ST7: variants seen among roughly 807,000 people sequenced by gnomAD.
ST7 encodes suppressor of tumorigenicity 7 protein.
ST7 carries 28 observed loss-of-function variants against 78.7 expected under a neutral mutation model. The observed-to-expected ratio is 0.36, with a 90% confidence interval of 0.26 to 0.49. The LOEUF (loss-of-function observed/expected upper bound fraction) is 0.49. Ranked by LOEUF, ST7 falls within the 20% of genes least tolerant of loss-of-function variation. ST7 has a pLI of 0.99. For missense variants in ST7, 418 were observed against 696.0 expected (o/e 0.60, Z 4.49); for synonymous variants, 247 against 249.6 (o/e 0.99, Z 0.10).
intron 1 of ST7, among the ~76,000 whole-genome samples, chr7:116,975,066 G>A (rs1372512597): frequency 6.6e-6 from 1 of 152,080 alleles, no homozygotes; most frequent in African/African-American, 2.4e-5. Context: ...AGAAATACCC[G>A]AGACTGGGTA....
At chr7:116,956,973 C>G (rs1792536801) in intron 1 of ST7, 2 of 204,234 alleles carry the variant, frequency 9.8e-6, no homozygotes, top group African/African-American at 4.7e-5. Context: ...AACAAAGGGA[C>G]AAAGTTGTGA....
At chr7:117,184,737 A>G (rs1339335669) in intron 10 of ST7, among the ~76,000 whole-genome samples, 1 of 152,212 alleles carries the variant, frequency 6.6e-6, no homozygotes, top group Admixed American at 6.5e-5. Flanking sequence ...ATGAAATTGG[A>G]TAGACATGCA....
chr7:117,095,873 GC>G (rs1264401604), intron 1 of ST7, among the ~76,000 whole-genome samples: 16 of 151,626 alleles, frequency 1.1e-4, no homozygotes, highest in Non-Finnish European at 2.2e-4. Flanking sequence ...TTTGAGAGAG[GC>G]CTGGCCAACA....
intron 2 of ST7, among the ~76,000 whole-genome samples, chr7:117,109,694 A>G (rs1254315443): frequency 6.6e-6 from 1 of 152,228 alleles, no homozygotes; most frequent in Non-Finnish European, 1.5e-5. Context: ...TATTCTGTGA[A>G]GCCAGTATCA....
chr7:116,991,672 G>T (rs1459328117), intron 1 of ST7, among the ~76,000 whole-genome samples: 1 of 152,070 alleles, frequency 6.6e-6, no homozygotes, highest in Non-Finnish European at 1.5e-5. Flanking sequence ...TTCACCTCTG[G>T]CCTCTCCAAA....
intron 1 of ST7, among the ~76,000 whole-genome samples, chr7:116,999,808 C>CTTTTTTTTTTTTTT: frequency 9.6e-6 from 1 of 104,440 alleles, no homozygotes; most frequent in Non-Finnish European, 1.8e-5. Context: ...AATTTTCTTT[C>CTTTTTTTTTTTTTT]TTTTTTTTTT....
At chr7:117,152,288 A>G (rs1427320363) in intron 9 of ST7, among the ~76,000 whole-genome samples, 2 of 142,778 alleles carry the variant, frequency 1.4e-5, no homozygotes, top group Non-Finnish European at 3.0e-5. Flanking sequence ...CAGTCATTTT[A>G]TTTCCATTAA....
intron 1 of ST7, among the ~76,000 whole-genome samples, chr7:116,960,265 C>T (rs781706790): frequency 3.9e-4 from 59 of 152,172 alleles, no homozygotes; most frequent in Non-Finnish European, 6.8e-4. Flanking sequence ...TCTCAGCTGA[C>T]TGCAACCTCT....
At chr7:116,978,153 A>G (rs900374295) in intron 1 of ST7, among the ~76,000 whole-genome samples, 2 of 152,172 alleles carry the variant, frequency 1.3e-5, no homozygotes, top group Non-Finnish European at 2.9e-5. Context: ...TTTTGGTAAA[A>G]CATGGAGACT....
intron 9 of ST7, among the ~76,000 whole-genome samples, chr7:117,170,477 T>C (rs1807905269): frequency 6.6e-6 from 1 of 152,112 alleles, no homozygotes; most frequent in Admixed American, 6.5e-5. Flanking sequence ...GGTCAGGAGA[T>C]CAAGACCATC....
chr7:117,157,920 T>C (rs1806832232), intron 9 of ST7, among the ~76,000 whole-genome samples: 1 of 152,152 alleles, frequency 6.6e-6, no homozygotes, highest in South Asian at 2.1e-4. Flanking sequence ...GAGAAAGAAA[T>C]GTTTTACTCA....
In ST7 at chr7:117,132,160, T is replaced by G. The variant is rs372642860; in HGVS notation, c.641+200T>G. ...GAGGTGGTTTTAGTCATTTTATGAA[T>G]TCAATGGCTTTGCTGTGATCCTAAA... is the stretch of plus-strand genomic sequence containing the variant. On this transcript the variant is annotated intron_variant, in intron 6 of 15. Coordinates refer to ENST00000323984, the MANE Select transcript of ST7 (RefSeq NM_001369598.1). Among the ~76,000 whole-genome samples the G allele has an allele frequency of 5.8e-4, 88 of 151,916 alleles. 1 individual carries two copies. In the East Asian group the frequency reaches 9.3e-3, roughly 16 times the overall value.
chr7:117,015,256 A>G lies in ST7; in HGVS notation c.151+61565A>G, dbSNP rs893730157. Among the ~76,000 whole-genome samples, 4 of 152,262 alleles carry G rather than the reference A, an allele frequency of 2.6e-5. No homozygotes were observed. The East Asian group carries it at 5.8e-4, about 22-fold the overall frequency. ...TTCCATTTCAGTTGGATCATACTTA[A>G]ATGGACTTAAACTCCAACCCATAGT... On this transcript the variant is annotated intron_variant, in intron 1 of 15. Coordinates refer to ENST00000323984, the MANE Select transcript of ST7 (RefSeq NM_001369598.1).
intron 1 of ST7, among the ~76,000 whole-genome samples, chr7:117,080,435 T>A (rs537878186): frequency 1.4e-4 from 22 of 152,306 alleles, no homozygotes; most frequent in South Asian, 8.3e-4. Flanking sequence ...TTCTATCATA[T>A]AGATATTTAA....
chr7:116,975,336 G>A (rs1231000398), intron 1 of ST7, among the ~76,000 whole-genome samples: 1 of 152,116 alleles, frequency 6.6e-6, no homozygotes, highest in Non-Finnish European at 1.5e-5. Context: ...GAGGATTATG[G>A]GAGCTACAAT....
rs993125367 is a variant in ST7, at chr7:117,215,289, A to G, written c.1406-3795A>G. On this transcript the variant is annotated intron_variant, in intron 13 of 15. Transcript: ENST00000323984. The stretch of plus-strand genomic sequence containing the variant: ...ATGGCCTTCGTGGCTGGTTAGCTAC[A>G]TTGAACTTAAAAATAAGGACATGAA... Among the ~76,000 whole-genome samples, 4 of 152,292 alleles carry G rather than the reference A, an allele frequency of 2.6e-5. No individual in the cohort carries two copies. In the East Asian group the frequency reaches 5.8e-4, roughly 22 times the overall value.
chr7:117,134,102 C>T (rs1456592372), intron 6 of ST7, 22 bp from the exon 7 acceptor site: 1 of 1,610,320 alleles, frequency 6.2e-7, no homozygotes, highest in African/African-American at 1.3e-5. Flanking sequence ...ATTTTACCAA[C>T]TATTTTTTTC....
chr7:116,972,753 G>GT, intron 1 of ST7: 1 of 924,710 alleles, frequency 1.1e-6, no homozygotes, highest in South Asian at 1.3e-5. Flanking sequence ...GGATCCTACG[G>GT]TTCAAGGAGG....
At position 117,190,753 on chromosome 7, in the gene ST7, G is replaced by A. The variant is rs1007769732; in HGVS notation, c.1152-81G>A. ...GCTATTGGCTCACTGTGGTTTTATG[G>A]GCCCTAGATGTGTAGATGCTTCCGG... On this transcript the variant is annotated intron_variant, in intron 11 of 15. Coordinates refer to ENST00000323984, the MANE Select transcript of ST7 (RefSeq NM_001369598.1). This position sits in a 1 kb window ranked among gnomAD's most constrained non-coding sequence, Gnocchi z 5.2. The A allele has an allele frequency of 2.1e-5, 23 of 1,110,468 alleles. No individual in the cohort carries two copies. Among genetic ancestry groups the A allele is most frequent in the Non-Finnish European group, 3.1e-5 (23 of 738,102 alleles). 68.8% of individuals were successfully genotyped at this position (1,110,468 alleles called of 1,614,324 possible).
Sources: gnomAD v4.1 joint callset for allele counts (sites outside exome capture counted in the v4.1 genomes callset) on GRCh38, gnomAD v4.1.1 for gene constraint, Gnocchi (gnomAD v3.1) non-coding constraint, MANE v1.5 for transcripts, NCBI Gene and HGNC (gene_info 2026-07-23, HGNC 2026-07-21) for gene names.